The following GRIP1 variants were observed in gnomAD, a reference collection of about 807,000 sequenced individuals.
The protein encoded by GRIP1 is glutamate receptor interacting protein 1, also known as glutamate receptor-interacting protein 1.
GRIP1 carries 45 observed loss-of-function variants against 129.9 expected under a neutral mutation model. The observed-to-expected ratio is 0.35, with a 90% CI of 0.27 to 0.44. The LOEUF is 0.44. Among genes scored for constraint, GRIP1 ranks in the 20% least tolerant of loss-of-function variants. The pLI, the probability that GRIP1 is intolerant of heterozygous loss-of-function variation, is 1.00. For missense variants in GRIP1, 1,196 were observed against 1,396.8 expected (o/e 0.86, Z 2.29); for synonymous variants, 530 against 520.8 (o/e 1.02, Z -0.24).
At chr12:66,851,725 G>T (rs555594842) in intron 1 of GRIP1, among the ~76,000 whole-genome samples, 77 of 152,118 alleles carry the variant, frequency 5.1e-4, no homozygotes, top group African/African-American at 1.7e-3. Context: ...TGGAAACTGG[G>T]TAACTTAACC....
chr12:66,822,000 T>TTGTGTGTG lies in GRIP1; in HGVS notation c.59-225081_59-225074dup, dbSNP rs145504310. ...GCCAAGTGATGGAGCCACTTCCATCTTGTGTGTGTGTGTGTGTGTGTGTAT... is the reference window on the plus strand; with the variant it reads ...GCCAAGTGATGGAGCCACTTCCATCTTGTGTGTGTGTGTGTGTGTGTGTGTGTGTGTAT... On this transcript the variant is annotated intron_variant, in intron 1 of 1. Coordinates refer to the GRIP1 transcript ENST00000643019. Among the ~76,000 whole-genome samples, 1,068 of 150,522 alleles carry TTGTGTGTG rather than the reference T, an allele frequency of 7.1e-3. 12 individuals carry two copies. Among genetic ancestry groups the TTGTGTGTG allele is most frequent in the African/African-American group, 0.024 (990 of 41,146 alleles).
At chr12:66,429,841 T>C (rs1189316534) in intron 14 of GRIP1, among the ~76,000 whole-genome samples, 3 of 152,190 alleles carry the variant, frequency 2.0e-5, no homozygotes, top group African/African-American at 7.2e-5. Flanking sequence ...TTTAATCTTG[T>C]CAACAATACT....
intron 1 of GRIP1, among the ~76,000 whole-genome samples, chr12:66,685,821 A>C (rs1358459399): frequency 6.6e-6 from 1 of 152,076 alleles, no homozygotes; most frequent in African/African-American, 2.4e-5. Flanking sequence ...CACGCTACCT[A>C]TTTGGATTAT....
chr12:66,622,741 TTC>T (rs1008914620), intron 1 of GRIP1, among the ~76,000 whole-genome samples: 8 of 152,222 alleles, frequency 5.3e-5, no homozygotes, highest in African/African-American at 1.4e-4. Context: ...TGATCTGGAA[TTC>T]TCTGTCTCTA....
chr12:66,928,189 C>G (rs2041327840), intron 1 of GRIP1, among the ~76,000 whole-genome samples: 1 of 152,092 alleles, frequency 6.6e-6, no homozygotes, highest in Non-Finnish European at 1.5e-5. Context: ...CCCATATAAA[C>G]CTCTGGTAAA....
intron 14 of GRIP1, among the ~76,000 whole-genome samples, chr12:66,432,159 T>C (rs759707787): frequency 1.1e-4 from 16 of 152,176 alleles, no homozygotes; most frequent in Non-Finnish European, 2.4e-4. Flanking sequence ...ATATAAAATG[T>C]AGAGAATCTA....
At chr12:66,528,974 T>C (rs1305710276) in intron 5 of GRIP1, among the ~76,000 whole-genome samples, 1 of 151,884 alleles carries the variant, frequency 6.6e-6, no homozygotes, top group Non-Finnish European at 1.5e-5. Context: ...CATCAAAAAG[T>C]GGGCTAAGGA....
intron 1 of GRIP1, among the ~76,000 whole-genome samples, chr12:66,914,797 A>T (rs2041091826): frequency 6.6e-6 from 1 of 152,164 alleles, no homozygotes; most frequent in African/African-American, 2.4e-5. Flanking sequence ...AAATATCAAG[A>T]TACTGTAGAT....
intron 1 of GRIP1, among the ~76,000 whole-genome samples, chr12:66,873,732 G>C (rs977251316): frequency 6.6e-6 from 1 of 151,958 alleles, no homozygotes; most frequent in African/African-American, 2.4e-5. Flanking sequence ...GAGATCTCTT[G>C]AAAAATCTTG....
At chr12:66,389,466 G>A (rs1308347958) in intron 19 of GRIP1, among the ~76,000 whole-genome samples, 1 of 152,132 alleles carries the variant, frequency 6.6e-6, no homozygotes, top group African/African-American at 2.4e-5. Context: ...GACCTCAGGT[G>A]ATTTGCCCAC....
intron 1 of GRIP1, among the ~76,000 whole-genome samples, chr12:66,757,707 C>T (rs2037340246): frequency 6.6e-6 from 1 of 152,134 alleles, no homozygotes; most frequent in Non-Finnish European, 1.5e-5. Flanking sequence ...ATTCATATTC[C>T]CACAACAGTG....
chr12:66,640,927 A>G (rs373868108), intron 1 of GRIP1, among the ~76,000 whole-genome samples: 3 of 152,222 alleles, frequency 2.0e-5, no homozygotes, highest in South Asian at 4.1e-4. Context: ...CAACAAGAAC[A>G]GAACAACAAC....
At chr12:66,751,055 TA>T (rs142415603) in intron 1 of GRIP1, among the ~76,000 whole-genome samples, 68 of 152,250 alleles carry the variant, frequency 4.5e-4, no homozygotes, top group African/African-American at 1.6e-3. Context: ...AACATTCATT[TA>T]AAAAAATTTT....
intron 4 of GRIP1, among the ~76,000 whole-genome samples, chr12:66,536,491 T>G (rs1008108770): frequency 1.3e-5 from 2 of 152,164 alleles, no homozygotes; most frequent in Admixed American, 1.3e-4. Flanking sequence ...TATTCCTGGC[T>G]TTTGGTCTTA....
chr12:66,519,525 A>C (rs2060941059), intron 5 of GRIP1, among the ~76,000 whole-genome samples: 1 of 152,246 alleles, frequency 6.6e-6, no homozygotes, highest in Admixed American at 6.5e-5. Flanking sequence ...TTGTATTTAC[A>C]AATTTCAATA....
chr12:66,550,314 C>G (rs2062082036), intron 2 of GRIP1, among the ~76,000 whole-genome samples: 1 of 152,130 alleles, frequency 6.6e-6, no homozygotes, highest in African/African-American at 2.4e-5. Context: ...ATAACCCACA[C>G]AGTAAGTGTT....
chr12:66,699,217 G>A (rs1273668342), intron 1 of GRIP1, among the ~76,000 whole-genome samples: 1 of 152,146 alleles, frequency 6.6e-6, no homozygotes, highest in East Asian at 1.9e-4. Flanking sequence ...GACATATATA[G>A]ATAATTAAAA....
At chr12:66,552,762 T>A (rs1289712482) in intron 2 of GRIP1, among the ~76,000 whole-genome samples, 1 of 152,214 alleles carries the variant, frequency 6.6e-6, no homozygotes, top group East Asian at 1.9e-4. Flanking sequence ...CAGATGCCTG[T>A]GCATCAGGGG....
At chr12:67,011,576 C>A (rs1018372249) in intron 1 of GRIP1, among the ~76,000 whole-genome samples, 49 of 152,006 alleles carry the variant, frequency 3.2e-4, no homozygotes, top group Admixed American at 5.9e-4. Flanking sequence ...GCAGGTCATC[C>A]CTCTGCATAT....
Sources: gnomAD v4.1 joint callset for allele counts (sites outside exome capture counted in the v4.1 genomes callset) on GRCh38, gnomAD v4.1.1 for gene constraint, MANE v1.5 for transcripts, NCBI Gene and HGNC (gene_info 2026-07-23, HGNC 2026-07-21) for gene names.